ZC3H3: variants seen among roughly 807,000 people sequenced by gnomAD.
ZC3H3 encodes the protein zinc finger CCCH-type containing 3.
Under a neutral mutation model 77.3 loss-of-function variants are expected in ZC3H3, and 36 were observed. The observed-to-expected ratio is 0.47, with a 90% CI of 0.36 to 0.61. ZC3H3 has a LOEUF of 0.61. Among genes scored for constraint, ZC3H3 ranks in the 20% least tolerant of loss-of-function variants. ZC3H3 has a pLI of 0.00. For synonymous variants in ZC3H3, 626 were observed against 555.2 expected (o/e 1.13, Z -1.79); for missense variants, 1,331 against 1,312.2 (o/e 1.01, Z -0.22).
At chr8:143,472,769 C>G (rs2004097) in intron 5 of ZC3H3, among the ~76,000 whole-genome samples, 25 of 152,222 alleles carry the variant, frequency 1.6e-4, no homozygotes, top group Non-Finnish European at 2.2e-4. Context: ...ACCCATGCCA[C>G]AAGCCCCTCC....
intron 5 of ZC3H3, among the ~76,000 whole-genome samples, chr8:143,474,897 G>A (rs1222504450): frequency 1.3e-5 from 2 of 152,238 alleles, no homozygotes; most frequent in East Asian, 1.9e-4. Flanking sequence ...TCGAGGCGTC[G>A]CCAATGCGAT....
At chr8:143,481,612 G>C (rs887211522) in intron 4 of ZC3H3, among the ~76,000 whole-genome samples, 1 of 152,196 alleles carries the variant, frequency 6.6e-6, no homozygotes, top group Non-Finnish European at 1.5e-5. Context: ...GAGCCGGCGA[G>C]GGGACATCAG....
intron 5 of ZC3H3, among the ~76,000 whole-genome samples, chr8:143,473,913 C>T (rs1021391071): frequency 1.3e-5 from 2 of 152,142 alleles, no homozygotes; most frequent in Non-Finnish European, 2.9e-5. Context: ...GAGAGAAGCC[C>T]GAGGCCCCTC....
At chr8:143,510,899 C>T (rs775069965) in intron 3 of ZC3H3, among the ~76,000 whole-genome samples, 5 of 152,206 alleles carry the variant, frequency 3.3e-5, no homozygotes, top group African/African-American at 7.2e-5. Context: ...CCTTTATTGC[C>T]GGCGATGCCC....
chr8:143,438,312 C>T (rs2129776346), intron 11 of ZC3H3, among the ~76,000 whole-genome samples: 1 of 152,234 alleles, frequency 6.6e-6, no homozygotes, highest in East Asian at 1.9e-4. Flanking sequence ...GCCTCTGTGG[C>T]TGTCTAGCCA....
chr8:143,509,745 G>A (rs1323934175), intron 3 of ZC3H3, among the ~76,000 whole-genome samples: 2 of 152,108 alleles, frequency 1.3e-5, no homozygotes, highest in Admixed American at 6.5e-5. Context: ...GGCCACACTC[G>A]GGACACTGGG....
chr8:143,475,798 G>A (rs1310762900), intron 4 of ZC3H3, among the ~76,000 whole-genome samples: 2 of 152,106 alleles, frequency 1.3e-5, no homozygotes, highest in Non-Finnish European at 2.9e-5. Flanking sequence ...CCACCTCAGG[G>A]ACATTTTGGC....
intron 7 of ZC3H3, 45 bp from the exon 8 acceptor site, chr8:143,468,323 C>A: frequency 6.2e-7 from 1 of 1,611,954 alleles, no homozygotes; most frequent in Non-Finnish European, 8.5e-7. Flanking sequence ...CCGGCAGGGA[C>A]CAAGGGCAGG....
At chr8:143,489,472 G>T (rs896973981) in intron 4 of ZC3H3, among the ~76,000 whole-genome samples, 1 of 151,984 alleles carries the variant, frequency 6.6e-6, no homozygotes, top group Admixed American at 6.5e-5. Context: ...GCCCACCACC[G>T]CCTGGCCCCG....
At chr8:143,502,614 C>A (rs1821559967) in intron 4 of ZC3H3, among the ~76,000 whole-genome samples, 2 of 152,242 alleles carry the variant, frequency 1.3e-5, no homozygotes, top group South Asian at 4.1e-4. Flanking sequence ...TTAAGCACAG[C>A]AGCTTCTGTT....
chr8:143,534,014 T>C (rs1452350419), intron 3 of ZC3H3, among the ~76,000 whole-genome samples: 8 of 151,728 alleles, frequency 5.3e-5, no homozygotes, highest in Non-Finnish European at 1.5e-5. Flanking sequence ...CTGGGCACAG[T>C]GGCTCACACC....
chr8:143,535,901 C>T (rs1277963947), intron 3 of ZC3H3, among the ~76,000 whole-genome samples: 1 of 152,384 alleles, frequency 6.6e-6, no homozygotes, highest in Admixed American at 6.5e-5. Flanking sequence ...CTGGAGGAGG[C>T]AGAGGCCTGG....
Position 143,441,056 on chromosome 8 carries a change from G to T in ZC3H3, c.2372C>A (p.Ala791Asp). The T allele has an allele frequency of 6.8e-7, 1 of 1,479,414 alleles. No homozygotes were observed. 91.6% of individuals were successfully genotyped at this position (1,479,414 alleles called of 1,614,324 possible). ...FARRGACPRGAQCQLLHRTQK... is the reference protein window; with the variant it reads ...FARRGACPRGDQCQLLHRTQK... ...GGTACGGTGGAGCAGCTGGCACTGGGCGCCGCGGGGACACGCCCCCCTGCG... is the reference window on the plus strand; with the variant it reads ...GGTACGGTGGAGCAGCTGGCACTGGTCGCCGCGGGGACACGCCCCCCTGCG... Residue 791 changes from alanine to aspartate, a missense_variant, in exon 10 of 12, where the codon GCC (alanine) becomes GAC (aspartate). Coordinates refer to ENST00000262577, the MANE Select transcript of ZC3H3 (RefSeq NM_015117.3).
chr8:143,503,099 G>A (rs887697874), intron 4 of ZC3H3, among the ~76,000 whole-genome samples: 2 of 152,232 alleles, frequency 1.3e-5, no homozygotes, highest in Non-Finnish European at 2.9e-5. Context: ...AGCTTCTGGG[G>A]AGAGGTGGCA....
chr8:143,448,391 G>A (rs553859928), intron 9 of ZC3H3, among the ~76,000 whole-genome samples: 2 of 152,224 alleles, frequency 1.3e-5, no homozygotes, highest in South Asian at 4.1e-4. Flanking sequence ...AGATACAATG[G>A]AGGCATAGGT....
intron 4 of ZC3H3, among the ~76,000 whole-genome samples, chr8:143,478,729 C>T (rs1023168485): frequency 6.6e-6 from 1 of 152,226 alleles, no homozygotes; most frequent in South Asian, 2.1e-4. Flanking sequence ...AAGCTGGTCT[C>T]GAACTCCTGA....
chr8:143,477,710 G>A lies in ZC3H3; in HGVS notation c.1716-2125C>T, dbSNP rs981383712. On this transcript the variant is annotated intron_variant, in intron 4 of 11. Transcript: ENST00000262577. Reference sequence around the variant, plus strand: ...CAGGAGCTACGGCCACTACCTGGGGGACACTCAGCTTGACCCCAAATCCCA... The same window carrying A: ...CAGGAGCTACGGCCACTACCTGGGGAACACTCAGCTTGACCCCAAATCCCA... 4.6e-5 allele frequency among the ~76,000 whole-genome samples: 7 copies of A among 152,202 alleles called. 1 individual carries two copies. The highest frequency in any genetic ancestry group is 3.9e-4 in the Admixed American group (6 of 15,286).
rs1487818993 is a variant in ZC3H3, at chr8:143,494,805, G to A, written c.1715+12941C>T. 6.6e-6 allele frequency among the ~76,000 whole-genome samples: 1 copy of A among 152,214 alleles called. No individual in the cohort carries two copies. The highest frequency in any genetic ancestry group is 6.5e-5 in the Admixed American group (1 of 15,288). On this transcript the variant is annotated intron_variant, in intron 4 of 11. Coordinates refer to ENST00000262577, the MANE Select transcript of ZC3H3 (RefSeq NM_015117.3). This position sits in a 1 kb window ranked among gnomAD's most constrained non-coding sequence, Gnocchi z 5.3. ...GGGGCCTCCTGCAGTCAAGAATGAG[G>A]AGCCAGAATACCGGCCACCAACGGG... is the stretch of plus-strand genomic sequence containing the variant.
intron 3 of ZC3H3, among the ~76,000 whole-genome samples, chr8:143,521,247 C>T (rs1007701595): frequency 2.6e-5 from 4 of 152,180 alleles, no homozygotes; most frequent in Admixed American, 1.3e-4. Flanking sequence ...GGCACTGGCC[C>T]GAGGTCACAG....
Sources: allele counts gnomAD v4.1 joint callset (sites outside exome capture counted in the v4.1 genomes callset), GRCh38; gene constraint gnomAD v4.1.1; non-coding constraint Gnocchi (gnomAD v3.1); transcripts MANE v1.5; gene names NCBI Gene and HGNC (gene_info 2026-07-23, HGNC 2026-07-21).